Variants in SH3TC2 observed in about 807,000 individuals in gnomAD.
The protein encoded by SH3TC2 is SH3 domain and tetratricopeptide repeats 2.
In SH3TC2, 87 loss-of-function variants were observed where a neutral mutation model predicts 124.5. That is an observed-to-expected ratio of 0.70 (90% CI 0.59 to 0.84). The LOEUF is 0.84. SH3TC2 is among the 40% of genes least tolerant of loss of function. The probability of loss-of-function intolerance (pLI) is 0.00; values close to 1 mark genes in which losing one functional copy is unlikely to be tolerated. For synonymous variants in SH3TC2, 634 were observed against 628.5 expected, an observed-to-expected ratio of 1.01 and a Z score of -0.13; for missense variants, 1,536 against 1,566.4, an observed-to-expected ratio of 0.98 and a Z score of 0.33.
At position 148,998,410 on chromosome 5, in the gene SH3TC2, G is replaced by A. The variant is rs188143654; in HGVS notation, c.*6301C>T. Among the ~76,000 whole-genome samples, 460 of 152,298 alleles carry A rather than the reference G, an allele frequency of 3.0e-3. 1 individual carries two copies. The highest frequency in any genetic ancestry group is 0.01 in the African/African-American group (429 of 41,572). Reference sequence around the variant, plus strand: ...CACAGAAAAGGACAGCAATGGATTAGCCTGTCTTCTCATTAGCCATGTGAC... The same window carrying A: ...CACAGAAAAGGACAGCAATGGATTAACCTGTCTTCTCATTAGCCATGTGAC... On this transcript the variant is annotated 3_prime_UTR_variant, in exon 17 of 17. Coordinates refer to ENST00000515425, the MANE Select transcript of SH3TC2 (RefSeq NM_024577.4).
chr5:149,022,112 A>G (rs987451671), intron 12 of SH3TC2, among the ~76,000 whole-genome samples: 4 of 152,038 alleles, frequency 2.6e-5, no homozygotes, highest in Non-Finnish European at 5.9e-5. Context: ...ATGACAACCC[A>G]TGGGCTGGGA....
intron 1 of SH3TC2, among the ~76,000 whole-genome samples, chr5:149,059,122 G>C (rs1754702086): frequency 6.6e-6 from 1 of 152,118 alleles, no homozygotes; most frequent in Non-Finnish European, 1.5e-5. Context: ...TGCAGAAAAT[G>C]AATGAAGGAA....
rs960901321 is a variant in SH3TC2, at chr5:148,986,149, C to T, written c.*18562G>A. Among the ~76,000 whole-genome samples, 2 of 152,090 alleles carry T rather than the reference C, an allele frequency of 1.3e-5. No individual in the cohort carries two copies. Among genetic ancestry groups the T allele is most frequent in the African/African-American group, 4.8e-5 (2 of 41,404 alleles). ...CTGCTTAATAGCCTATTTTACTGCC[C>T]GTGTGAACTTGGGTATGTTACATAA... On this transcript the variant is annotated 3_prime_UTR_variant, in exon 17 of 17. Coordinates refer to ENST00000515425, the MANE Select transcript of SH3TC2 (RefSeq NM_024577.4).
rs1664198945 is a variant in SH3TC2, at chr5:148,984,240, T to C, written c.*20471A>G. Among the ~76,000 whole-genome samples, 1 of 152,086 alleles carries C rather than the reference T, an allele frequency of 6.6e-6. No homozygotes were observed. The highest frequency in any genetic ancestry group is 6.5e-5 in the Admixed American group (1 of 15,270). ...TTTATTCTTTTTTCTTTTTGTTCCT[T>C]CGACTGGATAATTTCAAGTGTCCTG... On this transcript the variant is annotated 3_prime_UTR_variant, in exon 17 of 17. Coordinates refer to ENST00000515425, the MANE Select transcript of SH3TC2 (RefSeq NM_024577.4).
At position 149,041,562 on chromosome 5, in the gene SH3TC2, C is replaced by A; in HGVS notation, c.585G>T (p.Gly195=). ...CSVTPPAEKE[G]ECLTLCKNEL... ...CATTCTTGCAAAGTGTCAAGCATTC[C>A]CCTTCCTTCTCGGCTGGTGGAGTCA... The change falls in exon 6 of 17, where the codon GGG becomes GGT. Residue 195 remains glycine (G), a synonymous_variant. Transcript: ENST00000515425. 6.2e-7 allele frequency: 1 copy of A among 1,614,204 alleles called. No individual in the cohort carries two copies. The highest frequency in any genetic ancestry group is 8.5e-7 in the Non-Finnish European group (1 of 1,180,042).
chr5:149,040,102 G>A (rs560860024), intron 7 of SH3TC2, among the ~76,000 whole-genome samples: 1 of 152,158 alleles, frequency 6.6e-6, no homozygotes, highest in South Asian at 2.1e-4. Context: ...TAAATTGTGT[G>A]TGTGTGTGTA....
chr5:149,057,452 T>C (rs1000726224), intron 1 of SH3TC2: 1 of 152,194 alleles, frequency 6.6e-6, no homozygotes, highest in African/African-American at 2.4e-5. Flanking sequence ...CTGTGCAGGA[T>C]ATGCAGGTTT....
In SH3TC2 at chr5:149,004,825, G is replaced by A. The variant is rs1403764225; in HGVS notation, c.3753C>T (p.Asp1251=). The A allele has an allele frequency of 6.2e-7, 1 of 1,614,170 alleles. No homozygotes were observed. Among genetic ancestry groups the A allele is most frequent in the South Asian group, 1.1e-5 (1 of 91,082 alleles). ...AVLLGDEELQ[D]TIRSRLDNIC... ...TGTTGTCCAGCCTGCTCCTAATGGTGTCCTGAAGCTCCTCATCACCCAGCA... is the reference window on the plus strand; with the variant it reads ...TGTTGTCCAGCCTGCTCCTAATGGTATCCTGAAGCTCCTCATCACCCAGCA... The change falls in exon 17 of 17, where the codon GAC becomes GAT. Residue 1251 remains aspartate (D), a synonymous_variant. Transcript: ENST00000515425.
rs545236102 is a variant in SH3TC2, at chr5:149,021,204, T to C, written c.3053+5368A>G. 3.3e-5 allele frequency among the ~76,000 whole-genome samples: 5 copies of C among 152,140 alleles called. No homozygotes were observed. In the South Asian group the frequency reaches 1.0e-3, roughly 32 times the overall value. On this transcript the variant is annotated intron_variant, in intron 12 of 16. Transcript: ENST00000515425. ...AAATAACCAATGAACTGAGTAAGAA[T>C]CACAAAGGATATTAGAAACTACTTT...
At chr5:149,038,123 C>A (rs142177527) in intron 8 of SH3TC2, among the ~76,000 whole-genome samples, 172 bp downstream of exon 8, 1 of 152,182 alleles carries the variant, frequency 6.6e-6, no homozygotes, top group Non-Finnish European at 1.5e-5. Context: ...ACTGAACTGA[C>A]GCATTCTCTC....
At position 148,992,127 on chromosome 5, in the gene SH3TC2, A is replaced by T. The variant is rs2127388346; in HGVS notation, c.*12584T>A. Among the ~76,000 whole-genome samples, 1 of 152,362 alleles carries T rather than the reference A, an allele frequency of 6.6e-6. No homozygotes were observed. Among genetic ancestry groups the T allele is most frequent in the South Asian group, 2.1e-4 (1 of 4,830 alleles). On this transcript the variant is annotated 3_prime_UTR_variant, in exon 17 of 17. Coordinates refer to ENST00000515425, the MANE Select transcript of SH3TC2 (RefSeq NM_024577.4). ...CTAGGTAATAAGAGGTAACAATTGA[A>T]CATTTAGCTGTTTCATCCAACAGCC...
chr5:149,015,239 C>G (rs1223498474), intron 12 of SH3TC2, among the ~76,000 whole-genome samples: 1 of 152,206 alleles, frequency 6.6e-6, no homozygotes, highest in Non-Finnish European at 1.5e-5. Context: ...CTCACCAAGA[C>G]TTGCACATGA....
chr5:149,004,841 T>C lies in SH3TC2; in HGVS notation c.3737A>G (p.Asp1246Gly), dbSNP rs1753658718. ...CCTAATGGTGTCCTGAAGCTCCTCA[T>C]CACCCAGCAGGACCGCTGCTGCCAG... ...LALAAAVLLG[D>G]EELQDTIRSR... The change falls in exon 17 of 17, where the codon GAT becomes GGT. Residue 1246 changes from aspartate (D) to glycine (G), a missense_variant. Coordinates refer to ENST00000515425, the MANE Select transcript of SH3TC2 (RefSeq NM_024577.4). 1 of 1,614,012 alleles carries C rather than the reference T, an allele frequency of 6.2e-7. No homozygotes were observed.
rs1309209814 is a variant in SH3TC2, at chr5:148,998,000, G to A, written c.*6711C>T. ...AATACATAGAAAAGAACAAAGGCTG[G>A]AGCCCTCCTGCACTTTTTTAGAGAC... On this transcript the variant is annotated 3_prime_UTR_variant, in exon 17 of 17. Transcript: ENST00000515425. 6.6e-6 allele frequency among the ~76,000 whole-genome samples: 1 copy of A among 152,116 alleles called. No homozygotes were observed.
chr5:149,004,419 A>G lies in SH3TC2; in HGVS notation c.*292T>C, dbSNP rs1195582964. 8 of 398,744 alleles carry G rather than the reference A, an allele frequency of 2.0e-5. No individual in the cohort carries two copies. Among genetic ancestry groups the G allele is most frequent in the Non-Finnish European group, 3.6e-5 (8 of 219,240 alleles). The allele number at this position is 398,744 out of a possible 1,614,324, so 24.7% of individuals were successfully genotyped here. On this transcript the variant is annotated 3_prime_UTR_variant, in exon 17 of 17. Transcript: ENST00000515425. The stretch of plus-strand genomic sequence containing the variant: ...GAGGGCAAGATCCCTCATCTTCTCC[A>G]GAATTATGTATGGAGAAAGTGCTTT...
chr5:149,044,461 T>G (rs1754423856), intron 4 of SH3TC2, 72 bp downstream of exon 4: 1 of 1,177,864 alleles, frequency 8.5e-7, no homozygotes, highest in African/African-American at 1.5e-5. Flanking sequence ...GGCCAATTCC[T>G]TCATGTCAAG....
intron 1 of SH3TC2, among the ~76,000 whole-genome samples, chr5:149,057,008 C>G (rs887761652): frequency 6.6e-6 from 1 of 152,100 alleles, no homozygotes; most frequent in African/African-American, 2.4e-5. Flanking sequence ...CTTTCATCTA[C>G]TTTCCAAAAT....
chr5:149,031,884 T>C (rs1754200891), intron 8 of SH3TC2, among the ~76,000 whole-genome samples, 197 bp from the exon 9 acceptor site: 1 of 152,170 alleles, frequency 6.6e-6, no homozygotes, highest in Non-Finnish European at 1.5e-5. Flanking sequence ...TAGCACATCA[T>C]GCTGGGAGAA....
chr5:149,011,777 T>C (rs934989948), intron 13 of SH3TC2, among the ~76,000 whole-genome samples: 1 of 151,974 alleles, frequency 6.6e-6, no homozygotes, highest in Non-Finnish European at 1.5e-5. Flanking sequence ...AAATAAAACA[T>C]GGGAAAGAAA....
Sources: gnomAD v4.1 joint callset for allele counts (sites outside exome capture counted in the v4.1 genomes callset) on GRCh38, gnomAD v4.1.1 for gene constraint, MANE v1.5 for transcripts, NCBI Gene and HGNC (gene_info 2026-07-23, HGNC 2026-07-21) for gene names.